SGCZ: variants seen among roughly 807,000 people sequenced by gnomAD.
The protein encoded by SGCZ is sarcoglycan zeta, also known as zeta-sarcoglycan.
A neutral mutation model predicts 41.3 loss-of-function variants in SGCZ; 40 were observed. The ratio of observed to expected loss-of-function variants is 0.97; its 90% CI spans 0.75 to 1.26. The LOEUF is 1.26. Ranked by LOEUF, SGCZ falls within the 50% of genes most tolerant of loss-of-function variation. The pLI, the probability that SGCZ is intolerant of heterozygous loss-of-function variation, is 0.00. For synonymous variants in SGCZ, 206 were observed against 137.5 expected (o/e 1.50, Z -3.49); for missense variants, 552 against 369.8 (o/e 1.49, Z -4.04).
intron 3 of SGCZ, among the ~76,000 whole-genome samples, chr8:14,304,648 G>C (rs146269679): frequency 9.2e-5 from 14 of 152,178 alleles, no homozygotes; most frequent in African/African-American, 2.9e-4. Context: ...TATCGCTCAG[G>C]TTTATGTAGC....
intron 1 of SGCZ, among the ~76,000 whole-genome samples, chr8:14,956,263 C>G (rs944549718): frequency 2.6e-5 from 4 of 151,954 alleles, no homozygotes; most frequent in Admixed American, 6.6e-5. Flanking sequence ...TGGTCTTGAT[C>G]TCTTGACCTC....
chr8:15,046,316 A>G (rs1253439123), intron 1 of SGCZ, among the ~76,000 whole-genome samples: 3 of 152,104 alleles, frequency 2.0e-5, no homozygotes, highest in Non-Finnish European at 2.9e-5. Context: ...GTATTAGCTA[A>G]AAATAAATTA....
chr8:14,510,157 T>C (rs998443108), intron 2 of SGCZ, among the ~76,000 whole-genome samples: 5 of 152,152 alleles, frequency 3.3e-5, no homozygotes, highest in Non-Finnish European at 7.4e-5. Context: ...AAAATATAAT[T>C]TCGTATTTAC....
intron 1 of SGCZ, among the ~76,000 whole-genome samples, chr8:14,995,221 G>T (rs1802173582): frequency 6.6e-6 from 1 of 152,270 alleles, no homozygotes; most frequent in African/African-American, 2.4e-5. Flanking sequence ...GCTTTGGAAA[G>T]CTCACGCTGG....
intron 4 of SGCZ, among the ~76,000 whole-genome samples, chr8:14,173,492 A>C (rs1438450621): frequency 6.6e-6 from 1 of 152,164 alleles, no homozygotes; most frequent in Non-Finnish European, 1.5e-5. Context: ...ATGGGACTAA[A>C]TTCGCGTATT....
At chr8:15,236,987 C>G (rs115157286) in intron 1 of SGCZ, among the ~76,000 whole-genome samples, 1 of 152,206 alleles carries the variant, frequency 6.6e-6, no homozygotes, top group Non-Finnish European at 1.5e-5. Context: ...GCGGGGGTAC[C>G]TCTCCAGCCC....
intron 4 of SGCZ, among the ~76,000 whole-genome samples, chr8:14,199,698 G>C (rs1224368447): frequency 6.6e-6 from 1 of 151,908 alleles, no homozygotes; most frequent in African/African-American, 2.4e-5. Context: ...CAAAGCTTAG[G>C]GAAAATAGAA....
At chr8:15,115,522 G>C (rs1323326856) in intron 1 of SGCZ, among the ~76,000 whole-genome samples, 1 of 152,176 alleles carries the variant, frequency 6.6e-6, no homozygotes, top group African/African-American at 2.4e-5. Flanking sequence ...ATATGTTACA[G>C]ATTACATATT....
chr8:14,852,812 T>C (rs1803382644), intron 1 of SGCZ, among the ~76,000 whole-genome samples: 1 of 152,320 alleles, frequency 6.6e-6, no homozygotes, highest in East Asian at 1.9e-4. Flanking sequence ...CATGGAGTAA[T>C]AGCCTTTCTC....
intron 2 of SGCZ, among the ~76,000 whole-genome samples, chr8:14,442,372 C>T (rs189143901): frequency 1.2e-4 from 18 of 152,296 alleles, no homozygotes; most frequent in African/African-American, 4.1e-4. Flanking sequence ...TTTGCTCCTC[C>T]TTTACCTTCC....
At chr8:14,265,142 G>A (rs1309613387) in intron 3 of SGCZ, among the ~76,000 whole-genome samples, 1 of 152,188 alleles carries the variant, frequency 6.6e-6, no homozygotes, top group Non-Finnish European at 1.5e-5. Flanking sequence ...ACCCTAAAGT[G>A]ATGGAGATGT....
chr8:14,240,327 C>CAAAAAAAAAAAAAA (rs59351247), intron 3 of SGCZ, among the ~76,000 whole-genome samples: 23 of 115,226 alleles, frequency 2.0e-4, no homozygotes, highest in African/African-American at 7.1e-4. Context: ...AACTCTGTGT[C>CAAAAAAAAAAAAAA]AAAAAAAAAA....
intron 4 of SGCZ, among the ~76,000 whole-genome samples, chr8:14,177,758 T>C (rs1351224925): frequency 1.4e-5 from 2 of 145,894 alleles, no homozygotes; most frequent in East Asian, 4.1e-4. Context: ...TCTCCTGACC[T>C]CGTGATCCAT....
At chr8:14,863,544 G>C (rs116285973) in intron 1 of SGCZ, among the ~76,000 whole-genome samples, 24 of 152,202 alleles carry the variant, frequency 1.6e-4, no homozygotes, top group African/African-American at 5.8e-4. Context: ...GAGTCACCTA[G>C]AAAGAAGATA....
chr8:14,417,488 T>G (rs1296172771), intron 2 of SGCZ, among the ~76,000 whole-genome samples: 1 of 151,908 alleles, frequency 6.6e-6, no homozygotes, highest in Non-Finnish European at 1.5e-5. Context: ...GTTGATTACT[T>G]GGTCAAATCT....
chr8:14,616,463 C>A (rs1359962509), intron 1 of SGCZ, among the ~76,000 whole-genome samples: 1 of 152,006 alleles, frequency 6.6e-6, no homozygotes, highest in Non-Finnish European at 1.5e-5. Flanking sequence ...TAGGTTTACA[C>A]AGTAAAAAAA....
chr8:14,565,294 T>C lies in SGCZ; in HGVS notation c.40-10368A>G, dbSNP rs112644770. Among the ~76,000 whole-genome samples the C allele has an allele frequency of 3.3e-3, 506 of 152,200 alleles. 2 individuals are homozygous for C. The highest frequency in any genetic ancestry group is 0.011 in the African/African-American group (473 of 41,482). ...TGGGAAATAGTTATCCAGTATTTCA[T>C]TGGATGAAAATGCAATGACTTTTTT... On this transcript the variant is annotated intron_variant, in intron 1 of 7. Transcript: ENST00000382080.
intron 1 of SGCZ, among the ~76,000 whole-genome samples, chr8:15,030,932 A>C (rs1803637326): frequency 6.6e-6 from 1 of 152,184 alleles, no homozygotes; most frequent in Non-Finnish European, 1.5e-5. Context: ...TACTGACACC[A>C]TGATGCAGGA....
intron 1 of SGCZ, among the ~76,000 whole-genome samples, chr8:15,182,969 A>G (rs550949920): frequency 6.6e-6 from 1 of 152,286 alleles, no homozygotes; most frequent in South Asian, 2.1e-4. Context: ...AAAAACAAAG[A>G]CACACACACA....
Sources: allele counts gnomAD v4.1 joint callset (sites outside exome capture counted in the v4.1 genomes callset), GRCh38; gene constraint gnomAD v4.1.1; transcripts MANE v1.5; gene names NCBI Gene and HGNC (gene_info 2026-07-23, HGNC 2026-07-21).